DCDC1: variants seen among roughly 807,000 people sequenced by gnomAD.
DCDC1 encodes doublecortin domain-containing protein 1.
Under a neutral mutation model 178.3 loss-of-function variants are expected in DCDC1, and 200 were observed. The ratio of observed to expected loss-of-function variants is 1.12; its 90% confidence interval spans 1.00 to 1.26. The LOEUF is 1.26. DCDC1 is among the 50% of genes most tolerant of loss of function. DCDC1 has a pLI of 0.00. For missense variants in DCDC1, 1,983 were observed against 1,749.2 expected (o/e 1.13, Z -2.38); for synonymous variants, 690 against 604.8 (o/e 1.14, Z -2.07).
chr11:31,097,750 T>C (rs1958246648), intron 15 of DCDC1, among the ~76,000 whole-genome samples: 1 of 152,176 alleles, frequency 6.6e-6, no homozygotes, highest in Non-Finnish European at 1.5e-5. Flanking sequence ...CGTTCAAAAT[T>C]TTAACTAGCA....
chr11:30,911,771 T>G (rs1470269448), intron 27 of DCDC1, among the ~76,000 whole-genome samples: 2 of 152,126 alleles, frequency 1.3e-5, no homozygotes, highest in Non-Finnish European at 2.9e-5. Flanking sequence ...TTTGCTCACT[T>G]TCTCCTGACA....
chr11:30,917,145 A>G (rs1945902641), intron 25 of DCDC1, 117 bp from the exon 26 acceptor site: 1 of 1,020,594 alleles, frequency 9.8e-7, no homozygotes, highest in Non-Finnish European at 1.3e-6. Context: ...TATAAATCTT[A>G]TTTCCATAAG....
chr11:30,951,538 T>C (rs1948423127), intron 21 of DCDC1, among the ~76,000 whole-genome samples: 1 of 152,054 alleles, frequency 6.6e-6, no homozygotes, highest in Non-Finnish European at 1.5e-5. Context: ...ACTCTAAATA[T>C]ATATTGACTA....
intron 9 of DCDC1, among the ~76,000 whole-genome samples, chr11:31,187,846 C>T (rs908404479): frequency 2.0e-5 from 3 of 152,152 alleles, no homozygotes; most frequent in Non-Finnish European, 2.9e-5. Context: ...CCCATCCCTT[C>T]GCCAAATAAT....
intron 20 of DCDC1, among the ~76,000 whole-genome samples, chr11:31,007,719 A>G (rs1462845646): frequency 6.6e-6 from 1 of 151,468 alleles, no homozygotes; most frequent in Non-Finnish European, 1.5e-5. Flanking sequence ...GCTGGAGTGT[A>G]GTGGTGTGAT....
At chr11:30,939,447 G>A (rs1374473211) in intron 21 of DCDC1, among the ~76,000 whole-genome samples, 1 of 152,216 alleles carries the variant, frequency 6.6e-6, no homozygotes, top group African/African-American at 2.4e-5. Flanking sequence ...TTTAATAACA[G>A]TCTTGCAAGA....
intron 9 of DCDC1, among the ~76,000 whole-genome samples, chr11:31,162,975 T>G (rs998457696): frequency 3.9e-5 from 6 of 152,152 alleles, no homozygotes; most frequent in Non-Finnish European, 7.4e-5. Flanking sequence ...TACCACTGCC[T>G]TTGACTCCTA....
At chr11:30,918,337 T>A (rs1946006019) in intron 25 of DCDC1, among the ~76,000 whole-genome samples, 1 of 151,918 alleles carries the variant, frequency 6.6e-6, no homozygotes, top group South Asian at 2.1e-4. Flanking sequence ...AACAAACCAT[T>A]CGTTAGTTAT....
At chr11:30,900,224 TA>T in intron 33 of DCDC1, 121 bp downstream of exon 33, 1 of 925,330 alleles carries the variant, frequency 1.1e-6, no homozygotes. Context: ...GTTCTTTGTA[TA>T]AATGTGATGT....
intron 20 of DCDC1, among the ~76,000 whole-genome samples, chr11:31,054,806 C>T (rs1955480328): frequency 6.6e-6 from 1 of 152,138 alleles, no homozygotes; most frequent in Non-Finnish European, 1.5e-5. Flanking sequence ...AAACTGGATC[C>T]TTATCTCTCA....
intron 27 of DCDC1, among the ~76,000 whole-genome samples, chr11:30,913,350 A>C (rs909244333): frequency 2.0e-5 from 3 of 151,960 alleles, no homozygotes; most frequent in African/African-American, 7.3e-5. Flanking sequence ...CGGAGCTTGC[A>C]GTGAGCCGAG....
intron 9 of DCDC1, among the ~76,000 whole-genome samples, chr11:31,232,915 C>A (rs1397793705): frequency 6.6e-6 from 1 of 151,918 alleles, no homozygotes; most frequent in African/African-American, 2.4e-5. Context: ...ATGGTGAAAA[C>A]CCATCTCTAC....
intron 9 of DCDC1, among the ~76,000 whole-genome samples, chr11:31,217,954 A>G (rs1057317610): frequency 1.3e-5 from 2 of 152,096 alleles, no homozygotes; most frequent in Admixed American, 6.6e-5. Context: ...TGTTTTGGCT[A>G]TTGGCTATTG....
rs996388299 is a variant in DCDC1 at position 30,899,541 on chromosome 11, C to T, written c.4765G>A (p.Gly1589Arg). The T allele has an allele frequency of 1.2e-5, 19 of 1,553,372 alleles. No individual in the cohort carries two copies. The highest frequency in any genetic ancestry group is 2.0e-5 in the Admixed American group (1 of 51,038). Residue 1589 changes from glycine (G) to arginine (R), a missense_variant and splice_region_variant, in exon 34 of 39, where the codon GGG becomes AGG. Coordinates refer to ENST00000684477, the MANE Select transcript of DCDC1 (RefSeq NM_001387274.1). ...TATGCTTGATATAGTTCATACTGAC[C>T]TTTTAACTGTCTCATTTTGTGTCTC... ...TMRHKMRQLK[G>R]RRVAACQPAT...
chr11:31,173,291 C>T (rs537877864), intron 9 of DCDC1, among the ~76,000 whole-genome samples: 14 of 152,136 alleles, frequency 9.2e-5, no homozygotes, highest in South Asian at 4.2e-4. Flanking sequence ...TTACATCACC[C>T]GAGACTCATT....
At chr11:31,287,204 C>T (rs985530153) in intron 7 of DCDC1, among the ~76,000 whole-genome samples, 23 of 151,166 alleles carry the variant, frequency 1.5e-4, no homozygotes, top group Non-Finnish European at 3.0e-4. Flanking sequence ...AAGCAATGCC[C>T]CCACCCTGCA....
intron 20 of DCDC1, among the ~76,000 whole-genome samples, chr11:30,954,101 C>T (rs1358936282): frequency 8.7e-5 from 13 of 149,760 alleles, no homozygotes; most frequent in Admixed American, 2.0e-4. Flanking sequence ...CTGCAAACTC[C>T]GCCTCCCGGG....
intron 1 of DCDC1, among the ~76,000 whole-genome samples, chr11:31,367,628 A>G (rs1163466773): frequency 6.6e-6 from 1 of 152,234 alleles, no homozygotes; most frequent in African/African-American, 2.4e-5. Context: ...GCTACTGAGC[A>G]TTTGAAATGT....
At chr11:31,040,090 T>G (rs1238382474) in intron 20 of DCDC1, among the ~76,000 whole-genome samples, 1 of 151,746 alleles carries the variant, frequency 6.6e-6, no homozygotes. Flanking sequence ...TATTGGCTAC[T>G]GGAAGACAGA....
Sources: gnomAD v4.1 joint callset for allele counts (sites outside exome capture counted in the v4.1 genomes callset) on GRCh38, gnomAD v4.1.1 for gene constraint, MANE v1.5 for transcripts, NCBI Gene and HGNC (gene_info 2026-07-23, HGNC 2026-07-21) for gene names.